The following TEX101 variants were observed in gnomAD, a reference collection of about 807,000 sequenced individuals.
TEX101 encodes the protein testis expressed 101, also known as testis-expressed protein 101.
TEX101 carries 10 observed loss-of-function variants against 18.1 expected under a neutral mutation model. The observed-to-expected ratio is 0.55, with a 90% confidence interval of 0.34 to 0.94. TEX101 has a LOEUF of 0.94. Among genes scored for constraint, TEX101 ranks in the 40% least tolerant of loss-of-function variants. The pLI, the probability that TEX101 is intolerant of heterozygous loss-of-function variation, is 0.02. For missense variants in TEX101, 259 were observed against 298.9 expected (o/e 0.87, Z 0.98); for synonymous variants, 94 against 114.8 (o/e 0.82, Z 1.16).
At chr19:43,393,516 T>C in the TEX101 span, among the ~76,000 whole-genome samples, 1 of 152,100 alleles carries the variant, frequency 6.6e-6, no homozygotes, top group African/African-American at 2.4e-5. Context: ...TGCACCCTCA[T>C]GTTTCATAAA....
upstream of TEX101, among the ~76,000 whole-genome samples, chr19:43,401,170 C>T (rs1970314895): frequency 6.6e-6 from 1 of 152,194 alleles, no homozygotes; most frequent in Admixed American, 6.5e-5. Flanking sequence ...CAAAAAAATG[C>T]ATCCACCTAA....
chr19:43,414,895 A>T lies in TEX101; in HGVS notation c.-183A>T. ...CTGGCCCGGCCTTGCGTCGTAAGAG[A>T]ATGCCAAGCCCGGGGAGAAGGCGTT... On this transcript the variant is annotated 5_prime_UTR_variant, in exon 1 of 6. Transcript: ENST00000598265. 1.0e-6 allele frequency: 1 copy of T among 985,440 alleles called. No individual in the cohort carries two copies. Among genetic ancestry groups the T allele is most frequent in the Non-Finnish European group, 1.2e-6 (1 of 829,962 alleles). 61.0% of individuals were successfully genotyped at this position (985,440 alleles called of 1,614,324 possible).
At chr19:43,396,967 G>A (rs1970272450), upstream of TEX101, among the ~76,000 whole-genome samples, 1 of 151,162 alleles carries the variant, frequency 6.6e-6, no homozygotes, top group Non-Finnish European at 1.5e-5. Flanking sequence ...CTCCTGAGTA[G>A]CTGGGACTAC....
chr19:43,418,086 T>C, intron 5 of TEX101, 80 bp downstream of exon 5: 15 of 1,611,626 alleles, frequency 9.3e-6, no homozygotes, highest in Non-Finnish European at 1.2e-5. Context: ...GACACTGAGC[T>C]CTCCAGGGAT....
chr19:43,406,634 C>T (rs1568456222), intron 3 of TEX101: 7 of 586,714 alleles, frequency 1.2e-5, no homozygotes, highest in Non-Finnish European at 2.2e-5. Flanking sequence ...GGCGCCAAGC[C>T]TTAGCCAAGC....
At chr19:43,415,756 T>G in intron 1 of TEX101, 125 bp from the exon 2 acceptor site, 2 of 794,640 alleles carry the variant, frequency 2.5e-6, no homozygotes, top group Non-Finnish European at 4.1e-6. Flanking sequence ...CAAGACTCCG[T>G]CTCAAAAAAA....
the TEX101 span, among the ~76,000 whole-genome samples, chr19:43,395,907 C>G: frequency 6.6e-6 from 1 of 152,276 alleles, no homozygotes; most frequent in African/African-American, 2.4e-5. Flanking sequence ...AATCCTCCTT[C>G]AGCTTCTCCA....
At chr19:43,394,878 T>C in the TEX101 span, among the ~76,000 whole-genome samples, 2 of 152,204 alleles carry the variant, frequency 1.3e-5, no homozygotes, top group African/African-American at 4.8e-5. Flanking sequence ...ATCTGGAAAA[T>C]GGCTTTTCAG....
At chr19:43,406,525 T>C in intron 3 of TEX101, 1 of 725,878 alleles carries the variant, frequency 1.4e-6, no homozygotes, top group Non-Finnish European at 2.5e-6. Flanking sequence ...GGCAGGTACA[T>C]GGGCCTTGCG....
At chr19:43,389,656 G>T in the TEX101 span, among the ~76,000 whole-genome samples, 1 of 152,116 alleles carries the variant, frequency 6.6e-6, no homozygotes, top group Non-Finnish European at 1.5e-5. Flanking sequence ...TGAGCTGGGC[G>T]GTTTTCTCTG....
At chr19:43,414,746 C>A (rs552148783), upstream of TEX101, 1 of 785,228 alleles carries the variant, frequency 1.3e-6, no homozygotes, top group African/African-American at 1.9e-5. Flanking sequence ...TGCGCACCCT[C>A]CGAGATTGCC....
chr19:43,395,144 G>A, the TEX101 span, among the ~76,000 whole-genome samples: 2 of 152,198 alleles, frequency 1.3e-5, no homozygotes, highest in Admixed American at 6.5e-5. Flanking sequence ...CTGGGAAACT[G>A]ATGGAGATGC....
upstream of TEX101, among the ~76,000 whole-genome samples, chr19:43,397,187 A>T (rs555848788): frequency 6.6e-6 from 1 of 152,244 alleles, no homozygotes; most frequent in African/African-American, 2.4e-5. Context: ...GGTGAGTCTC[A>T]TGAGGTTGGA....
At chr19:43,412,037 T>G (rs1402266774), upstream of TEX101, among the ~76,000 whole-genome samples, 2 of 152,166 alleles carry the variant, frequency 1.3e-5, no homozygotes, top group Admixed American at 6.5e-5. Context: ...GATCTGTCAA[T>G]CTCTCTTGCA....
chr19:43,402,438 T>C (rs1350530473), intron 1 of TEX101, among the ~76,000 whole-genome samples: 2 of 152,084 alleles, frequency 1.3e-5, no homozygotes, highest in African/African-American at 4.8e-5. Flanking sequence ...AAGAGAAAAA[T>C]AAAATTTTGT....
the TEX101 span, among the ~76,000 whole-genome samples, chr19:43,392,577 G>C: frequency 2.2e-4 from 34 of 152,160 alleles, 1 homozygote; most frequent in South Asian, 7.1e-3. Context: ...AAGAGGAGGA[G>C]GAGGGACATG....
At chr19:43,400,513 A>G (rs1970309881), upstream of TEX101, among the ~76,000 whole-genome samples, 1 of 152,192 alleles carries the variant, frequency 6.6e-6, no homozygotes, top group African/African-American at 2.4e-5. Context: ...ATAGTCATGC[A>G]GCTGTTTGCA....
chr19:43,396,696 T>C (rs1431544610), upstream of TEX101, among the ~76,000 whole-genome samples: 1 of 152,146 alleles, frequency 6.6e-6, no homozygotes, highest in African/African-American at 2.4e-5. Context: ...TCCTAGAAGA[T>C]GTGACAGAAG....
the TEX101 span, among the ~76,000 whole-genome samples, chr19:43,391,360 A>G: frequency 1.3e-5 from 2 of 151,182 alleles, no homozygotes; most frequent in East Asian, 3.9e-4. Flanking sequence ...AATGCTACAC[A>G]AGCGTTCCAA....
Sources: gnomAD v4.1 joint callset for allele counts (sites outside exome capture counted in the v4.1 genomes callset) on GRCh38, gnomAD v4.1.1 for gene constraint, MANE v1.5 for transcripts, NCBI Gene and HGNC (gene_info 2026-07-23, HGNC 2026-07-21) for gene names.